Variants in SMURF2 observed in about 807,000 individuals in gnomAD.
SMURF2 encodes the protein E3 ubiquitin-protein ligase SMURF2.
A neutral mutation model predicts 109.6 loss-of-function variants in SMURF2; 48 were observed. The observed-to-expected ratio is 0.44, with a 90% CI of 0.35 to 0.56. SMURF2 has a LOEUF of 0.56. SMURF2 is among the 20% of genes least tolerant of loss of function. SMURF2 has a pLI of 0.01. For missense variants in SMURF2, 575 were observed against 909.0 expected (o/e 0.63, Z 4.72); for synonymous variants, 288 against 317.1 (o/e 0.91, Z 0.97).
At chr17:64,566,576 T>TTTTTTTTTTG (rs1969312874) in intron 10 of SMURF2, among the ~76,000 whole-genome samples, 4 of 105,494 alleles carry the variant, frequency 3.8e-5, no homozygotes, top group African/African-American at 1.4e-4. Flanking sequence ...TTTTTTTTTT[T>TTTTTTTTTTG]TTTTTTTTTT....
chr17:64,556,137 T>G, intron 13 of SMURF2, 139 bp from the exon 14 acceptor site: 6 of 567,300 alleles, frequency 1.1e-5, no homozygotes, highest in East Asian at 3.1e-5. Context: ...GAGGGAGTAT[T>G]TCTCTAGGGC....
intron 2 of SMURF2, among the ~76,000 whole-genome samples, chr17:64,601,578 G>A (rs1305772921): frequency 3.9e-5 from 6 of 152,094 alleles, no homozygotes; most frequent in African/African-American, 1.4e-4. Context: ...AGTGAAAAGG[G>A]AACACTTTTA....
chr17:64,652,909 TA>T (rs1468884931), intron 1 of SMURF2, among the ~76,000 whole-genome samples: 3 of 152,118 alleles, frequency 2.0e-5, no homozygotes, highest in African/African-American at 7.2e-5. Context: ...CACAGCATAT[TA>T]AAAAATTAAC....
chr17:64,631,699 G>A (rs1970350581), intron 1 of SMURF2, among the ~76,000 whole-genome samples: 1 of 152,044 alleles, frequency 6.6e-6, no homozygotes, highest in Non-Finnish European at 1.5e-5. Flanking sequence ...ACAGAAATTT[G>A]ACATGACCCT....
At chr17:64,550,609 G>A (rs575509930) in intron 16 of SMURF2, among the ~76,000 whole-genome samples, 25 of 152,120 alleles carry the variant, frequency 1.6e-4, no homozygotes, top group Non-Finnish European at 2.5e-4. Flanking sequence ...GTGAAACCCC[G>A]TTTCTACTAA....
rs1555683230 is a variant in SMURF2 at position 64,547,551 on chromosome 17, A to C, written c.2071+49T>G. On this transcript the variant is annotated intron_variant, in intron 17 of 18. Transcript: ENST00000262435. This position sits in a 1 kb window ranked among gnomAD's most constrained non-coding sequence, Gnocchi z 4.2. ...ATATCTCCACAGACCCCACGCTGAC[A>C]GCCCCGCCCCCACCCGCTGCCCAGC... is the stretch of plus-strand genomic sequence containing the variant. The C allele has an allele frequency of 4.6e-6, 7 of 1,525,190 alleles. No individual in the cohort carries two copies. The South Asian group carries it at 6.7e-5, about 15-fold the overall frequency. 94.5% of individuals were successfully genotyped at this position (1,525,190 alleles called of 1,614,324 possible).
intron 16 of SMURF2, among the ~76,000 whole-genome samples, chr17:64,550,265 T>C (rs1052977449): frequency 6.6e-6 from 1 of 152,182 alleles, no homozygotes; most frequent in East Asian, 1.9e-4. Flanking sequence ...TTGAATAAAA[T>C]CATGTTTCAA....
At chr17:64,610,596 G>A (rs1970030341) in intron 1 of SMURF2, among the ~76,000 whole-genome samples, 1 of 152,126 alleles carries the variant, frequency 6.6e-6, no homozygotes, top group Non-Finnish European at 1.5e-5. Flanking sequence ...ATCACACACT[G>A]GGGCCTGTTG....
At chr17:64,650,385 T>C (rs1970621369) in intron 1 of SMURF2, among the ~76,000 whole-genome samples, 1 of 151,910 alleles carries the variant, frequency 6.6e-6, no homozygotes, top group Non-Finnish European at 1.5e-5. Flanking sequence ...GTTTTAACGC[T>C]GTCATTTTAA....
intron 5 of SMURF2, among the ~76,000 whole-genome samples, chr17:64,586,750 CAAAAAAAA>C (rs782490512): frequency 3.6e-5 from 1 of 27,462 alleles, no homozygotes; most frequent in Non-Finnish European, 7.5e-5. Context: ...GACTCCGTCT[CAAAAAAAA>C]AAAAAAAAAA....
Position 64,545,625 on chromosome 17 carries a change from G to T in SMURF2, c.*223C>A. The T allele has an allele frequency of 5.4e-6, 2 of 370,580 alleles. No homozygotes were observed. The highest frequency in any genetic ancestry group is 2.1e-5 in the African/African-American group (1 of 47,650). The allele number at this position is 370,580 out of a possible 1,614,324, so 23.0% of individuals were successfully genotyped here. On this transcript the variant is annotated 3_prime_UTR_variant, in exon 19 of 19. Coordinates refer to ENST00000262435, the MANE Select transcript of SMURF2 (RefSeq NM_022739.4). Reference sequence around the variant, plus strand: ...AAGATATTAAGTTTAAATAGCAGCTGAATGTGGCCTCATGGCAAAGCATAA... The same window carrying T: ...AAGATATTAAGTTTAAATAGCAGCTTAATGTGGCCTCATGGCAAAGCATAA...
chr17:64,613,885 T>C (rs1165747799), intron 1 of SMURF2, among the ~76,000 whole-genome samples: 1 of 151,996 alleles, frequency 6.6e-6, no homozygotes, highest in African/African-American at 2.4e-5. Flanking sequence ...GTAGAATCAG[T>C]GGGAGCCCTG....
At chr17:64,568,950 T>A (rs1969357384) in intron 10 of SMURF2, among the ~76,000 whole-genome samples, 1 of 151,528 alleles carries the variant, frequency 6.6e-6, no homozygotes, top group Non-Finnish European at 1.5e-5. Context: ...TGCAGTGAGC[T>A]GAGATAGCAC....
At chr17:64,623,083 G>C (rs1475672566) in intron 1 of SMURF2, among the ~76,000 whole-genome samples, 1 of 152,096 alleles carries the variant, frequency 6.6e-6, no homozygotes, top group Non-Finnish European at 1.5e-5. Flanking sequence ...GAGGGGAAAG[G>C]AAGAGCTCTT....
rs1343187652 is a variant in SMURF2, at chr17:64,545,813, TATAA to T, written c.*31_*34del. 3.2e-6 allele frequency: 4 copies of T among 1,255,448 alleles called. No homozygotes were observed. Among genetic ancestry groups the T allele is most frequent in the East Asian group, 2.3e-5 (1 of 42,682 alleles). 77.8% of individuals were successfully genotyped at this position (1,255,448 alleles called of 1,614,324 possible). A position where few individuals can be genotyped will look rare whatever the true frequency, so the allele number is the denominator to read the frequency against. ...GAAAGGAGGCTGTCAGTCAGGGTTG[TATAA>T]ATAGAGTCCTGGGTAAATCCTTGAA... On this transcript the variant is annotated 3_prime_UTR_variant, in exon 19 of 19. Transcript: ENST00000262435.
At chr17:64,606,101 A>T (rs536004023) in intron 2 of SMURF2, among the ~76,000 whole-genome samples, 1 of 152,252 alleles carries the variant, frequency 6.6e-6, no homozygotes, top group South Asian at 2.1e-4. Flanking sequence ...CATATATGGG[A>T]ACCAAACATC....
At chr17:64,603,954 A>G (rs1264194958) in intron 2 of SMURF2, among the ~76,000 whole-genome samples, 1 of 152,196 alleles carries the variant, frequency 6.6e-6, no homozygotes, top group Non-Finnish European at 1.5e-5. Flanking sequence ...TGCTTTTCTC[A>G]TTCAATACAA....
At chr17:64,617,065 T>TAAAA (rs35408397) in intron 1 of SMURF2, among the ~76,000 whole-genome samples, 37 of 48,484 alleles carry the variant, frequency 7.6e-4, no homozygotes, top group African/African-American at 2.1e-3. Flanking sequence ...AGACCTTGTC[T>TAAAA]AAAAAAAAAA....
At chr17:64,650,347 GTT>G (rs375725722) in intron 1 of SMURF2, among the ~76,000 whole-genome samples, 1 of 137,636 alleles carries the variant, frequency 7.3e-6, no homozygotes. Flanking sequence ...TTTGTTTTTT[GTT>G]TTTTTTTTTG....
Sources: gnomAD v4.1 joint callset for allele counts (sites outside exome capture counted in the v4.1 genomes callset) on GRCh38, gnomAD v4.1.1 for gene constraint, Gnocchi (gnomAD v3.1) non-coding constraint, MANE v1.5 for transcripts, NCBI Gene and HGNC (gene_info 2026-07-23, HGNC 2026-07-21) for gene names.